The following DNAH5 variants were observed in gnomAD, a reference collection of about 807,000 sequenced individuals.
DNAH5 encodes the protein axonemal beta dynein heavy chain 5.
DNAH5 carries 372 observed loss-of-function variants against 518.2 expected under a neutral mutation model. The ratio of observed to expected loss-of-function variants is 0.72; its 90% CI spans 0.66 to 0.78. The LOEUF is 0.78. Among genes scored for constraint, DNAH5 ranks in the 30% least tolerant of loss-of-function variants. The pLI, the probability that DNAH5 is intolerant of heterozygous loss-of-function variation, is 0.00. For missense variants in DNAH5, 5,523 were observed against 5,687.0 expected, an observed-to-expected ratio of 0.97 and a Z score of 0.93; for synonymous variants, 2,039 against 2,025.9, an observed-to-expected ratio of 1.01 and a Z score of -0.17.
At chr5:13,724,940 T>TA (rs1191205668) in intron 70 of DNAH5, among the ~76,000 whole-genome samples, 2 of 152,222 alleles carry the variant, frequency 1.3e-5, no homozygotes, top group Non-Finnish European at 2.9e-5. Context: ...CTTTATAAAT[T>TA]ACCCAGTCTC....
Position 13,891,097 on chromosome 5 carries a change from C to G in DNAH5, c.2456G>C (p.Arg819Thr), listed in dbSNP as rs200486203. The G allele has an allele frequency of 6.2e-6, 10 of 1,614,066 alleles. No homozygotes were observed. In the East Asian group the frequency reaches 2.2e-4, roughly 36 times the overall value. Reference protein sequence around the residue: ...KIKDLELLLDRVNDLIEFRID... With the variant: ...KIKDLELLLDTVNDLIEFRID... ...GCGGAACTCAATCAAATCATTGACC[C>G]TGTCAAGCAGCAACTCCAGGTCCTC... Residue 819 changes from arginine (R) to threonine (T), a missense_variant, in exon 17 of 79, where the codon AGG (arginine) becomes ACG (threonine). Physicochemically the swap from Arg to Thr is moderately conservative, Grantham distance 71. Around this residue, in one of 3 missense-constraint regions of DNAH5, gnomAD observed 5,121 missense variants for 5,223.3 expected, o/e 0.98. Coordinates refer to ENST00000265104, the MANE Select transcript of DNAH5 (RefSeq NM_001369.3).
chr5:13,719,549 T>C (rs1579898017), intron 71 of DNAH5, among the ~76,000 whole-genome samples: 1 of 152,208 alleles, frequency 6.6e-6, no homozygotes, highest in African/African-American at 2.4e-5. Flanking sequence ...AGTTGAATCC[T>C]AAGCTAGCAT....
chr5:14,011,644 G>A (rs1390374906), intron 1 of DNAH5, among the ~76,000 whole-genome samples: 2 of 152,100 alleles, frequency 1.3e-5, no homozygotes. Context: ...AGCGCGCACA[G>A]TACCAGTTTG....
chr5:13,919,453 G>T, intron 6 of DNAH5, 101 bp from the exon 7 acceptor site: 1 of 1,421,636 alleles, frequency 7.0e-7, no homozygotes, highest in Non-Finnish European at 9.7e-7. Flanking sequence ...TATCCTATCT[G>T]GATCATGATA....
At chr5:13,832,076 A>G (rs1462010428) in intron 35 of DNAH5, among the ~76,000 whole-genome samples, 1 of 152,190 alleles carries the variant, frequency 6.6e-6, no homozygotes, top group Non-Finnish European at 1.5e-5. Context: ...AATAATCTAT[A>G]TAACAAACCT....
At position 13,803,074 on chromosome 5, in the gene DNAH5, T is replaced by C. The variant is rs59888781; in HGVS notation, c.7887+4517A>G. On this transcript the variant is annotated intron_variant, in intron 47 of 78. Coordinates refer to ENST00000265104, the MANE Select transcript of DNAH5 (RefSeq NM_001369.3). ...AGCAATTCATGAGCTTAATGTAGTA[T>C]AAAATGTAAAGCTATTTTATTATTT... Among the ~76,000 whole-genome samples, 348 of 152,294 alleles carry C rather than the reference T, an allele frequency of 2.3e-3. 3 individuals carry two copies. The highest frequency in any genetic ancestry group is 8.1e-3 in the African/African-American group (338 of 41,568).
At chr5:13,809,811 T>A (rs1760299204) in intron 45 of DNAH5, among the ~76,000 whole-genome samples, 1 of 152,214 alleles carries the variant, frequency 6.6e-6, no homozygotes, top group Non-Finnish European at 1.5e-5. Context: ...TTTGGTTTTT[T>A]AAATGTTTCT....
chr5:13,739,861 A>T (rs1292436076), intron 65 of DNAH5, among the ~76,000 whole-genome samples: 1 of 152,074 alleles, frequency 6.6e-6, no homozygotes, highest in Non-Finnish European at 1.5e-5. Flanking sequence ...CTACTCCATG[A>T]ATTACATTTT....
rs751858022 is a variant in DNAH5, at chr5:13,859,521, C to T, written c.4881G>A (p.Thr1627=). 386 of 1,613,908 alleles carry T rather than the reference C, an allele frequency of 2.4e-4. No individual in the cohort carries two copies. Among genetic ancestry groups the T allele is most frequent in the Middle Eastern group, 1.3e-3 (8 of 6,084 alleles). Residue 1627 remains threonine, a synonymous_variant, in exon 30 of 79, where the codon ACG becomes ACA. Transcript: ENST00000265104. ...NSTDIIESWM[T]VQNLWIYLEA... The stretch of plus-strand genomic sequence containing the variant: ...CTAAATAAATCCACAGGTTTTGCAC[C>T]GTCATCCAGCTCTCGATGATGTCTG...
rs142302585 is a variant in DNAH5, at chr5:13,809,055, T to C, written c.7741A>G (p.Lys2581Glu). 437 of 1,614,064 alleles carry C rather than the reference T, an allele frequency of 2.7e-4. No homozygotes were observed. The highest frequency in any genetic ancestry group is 3.4e-4 in the Non-Finnish European group (407 of 1,180,026). The stretch of plus-strand genomic sequence containing the variant: ...ATTAAAAGTCATACCTTGCCCTGTT[T>C]AGCAATGGTTTGAATTAGAAAGTCA... Reference protein sequence around the residue: ...RTDFLIQTIAKQGKAVLLIGE... With the variant: ...RTDFLIQTIAEQGKAVLLIGE... Residue 2581 changes from lysine to glutamate, a missense_variant, in exon 46 of 79, where the codon AAA (lysine) becomes GAA (glutamate). Transcript: ENST00000265104.
At chr5:13,730,309 C>A (rs1349160392) in intron 68 of DNAH5, among the ~76,000 whole-genome samples, 1 of 152,054 alleles carries the variant, frequency 6.6e-6, no homozygotes, top group African/African-American at 2.4e-5. Context: ...AATGTGTGAG[C>A]AATCGTTATT....
At chr5:13,714,800 T>C (rs1744071827) in intron 74 of DNAH5, among the ~76,000 whole-genome samples, 180 bp from the exon 75 acceptor site, 1 of 152,204 alleles carries the variant, frequency 6.6e-6, no homozygotes, top group South Asian at 2.1e-4. Context: ...AAAAAAACAA[T>C]TAACATTGAG....
intron 47 of DNAH5, among the ~76,000 whole-genome samples, chr5:13,805,133 GAGA>G (rs1238929749): frequency 4.6e-5 from 7 of 152,136 alleles, no homozygotes; most frequent in African/African-American, 1.7e-4. Flanking sequence ...GCCATGTGAT[GAGA>G]AGGTTGAAGT....
intron 69 of DNAH5, among the ~76,000 whole-genome samples, chr5:13,728,702 G>C (rs184810930): frequency 1.3e-5 from 2 of 152,214 alleles, no homozygotes; most frequent in Admixed American, 1.3e-4. Context: ...CTTAAACTGA[G>C]GAAGTCAAGA....
chr5:13,710,534 G>A (rs1275985957), intron 75 of DNAH5, among the ~76,000 whole-genome samples: 1 of 151,916 alleles, frequency 6.6e-6, no homozygotes, highest in Admixed American at 6.6e-5. Context: ...CAATACAAAA[G>A]GTAAATGAAA....
chr5:13,834,077 A>G (rs36102635), intron 35 of DNAH5, among the ~76,000 whole-genome samples: 12,990 of 152,278 alleles, frequency 0.085, 713 homozygotes, highest in Admixed American at 0.14. Flanking sequence ...GTGGAATCTC[A>G]GTTACTATCG....
At chr5:13,759,252 C>CA (rs1751453258) in intron 60 of DNAH5, among the ~76,000 whole-genome samples, 1 of 152,104 alleles carries the variant, frequency 6.6e-6, no homozygotes, top group South Asian at 2.1e-4. Flanking sequence ...GGCCAAGAGG[C>CA]AAAATCAAAA....
At chr5:13,744,248 A>G (rs1173301616) in intron 65 of DNAH5, among the ~76,000 whole-genome samples, 1 of 151,978 alleles carries the variant, frequency 6.6e-6, no homozygotes, top group Non-Finnish European at 1.5e-5. Context: ...GTAAAACACT[A>G]CATATTCTCA....
intron 1 of DNAH5, among the ~76,000 whole-genome samples, chr5:14,003,606 T>A (rs1289184098): frequency 6.6e-6 from 1 of 152,212 alleles, no homozygotes; most frequent in Non-Finnish European, 1.5e-5. Context: ...CATCCTTCAG[T>A]GTGAGCTTGA....
Sources: allele counts gnomAD v4.1 joint callset (sites outside exome capture counted in the v4.1 genomes callset), GRCh38; gene constraint gnomAD v4.1.1; regional missense constraint gnomAD v4.1.1; transcripts MANE v1.5; gene names NCBI Gene and HGNC (gene_info 2026-07-23, HGNC 2026-07-21).